Variants in ZGRF1 observed in about 807,000 individuals in gnomAD.
The protein encoded by ZGRF1 is zinc finger GRF-type containing 1.
A neutral mutation model predicts 203.5 loss-of-function variants in ZGRF1; 196 were observed. That is an observed-to-expected ratio of 0.96 (90% CI 0.86 to 1.08). The LOEUF (loss-of-function observed/expected upper bound fraction) is 1.08. Among genes scored for constraint, ZGRF1 ranks in the 50% least tolerant of loss-of-function variants. ZGRF1 has a pLI of 0.00. For synonymous variants in ZGRF1, 809 were observed against 841.3 expected, an observed-to-expected ratio of 0.96 and a Z score of 0.66; for missense variants, 2,326 against 2,416.3, an observed-to-expected ratio of 0.96 and a Z score of 0.78.
In ZGRF1 at chr4:112,593,740, T is replaced by C. The variant is rs142552087; in HGVS notation, c.2977-3866A>G. On this transcript the variant is annotated intron_variant, in intron 10 of 27. Coordinates refer to ENST00000505019, the MANE Select transcript of ZGRF1 (RefSeq NM_018392.5). ...TTCAGTCCCTCACTGTTGCCAATGCTGGAGAAGCCCTCCTTTATCACCCAT... is the reference window on the plus strand; with the variant it reads ...TTCAGTCCCTCACTGTTGCCAATGCCGGAGAAGCCCTCCTTTATCACCCAT... Among the ~76,000 whole-genome samples the C allele has an allele frequency of 5.3e-3, 806 of 152,326 alleles. 13 individuals carry two copies. The highest frequency in any genetic ancestry group is 0.017 in the African/African-American group (717 of 41,572).
In ZGRF1 at chr4:112,558,192, A is replaced by C; in HGVS notation, c.5078T>G (p.Ile1693Ser). ...AACAGCCACATTAGTAGAAGAAGAA[A>C]TCAGAAGTTTCCACGGCCTTGCATT... is the stretch of plus-strand genomic sequence containing the variant. ...IGNARPWKLL[I>S]SSSTNVAVDR... The change falls in exon 20 of 28, where the codon ATT (isoleucine) becomes AGT (serine). Residue 1693 changes from isoleucine to serine, a missense_variant. Physicochemically the swap from Ile to Ser is moderately radical, Grantham distance 142. Coordinates refer to ENST00000505019, the MANE Select transcript of ZGRF1 (RefSeq NM_018392.5). 6.2e-7 allele frequency: 1 copy of C among 1,609,758 alleles called. No individual in the cohort carries two copies. The highest frequency in any genetic ancestry group is 1.7e-5 in the Admixed American group (1 of 59,072).
intron 20 of ZGRF1, 48 bp from the exon 21 acceptor site, chr4:112,554,830 T>C (rs945370475): frequency 9.6e-7 from 1 of 1,042,640 alleles, no homozygotes. Context: ...GGAAACAGAA[T>C]ATAAAGTTTC....
At chr4:112,565,804 C>T (rs1254239452) in intron 16 of ZGRF1, among the ~76,000 whole-genome samples, 4 of 152,322 alleles carry the variant, frequency 2.6e-5, no homozygotes, top group Non-Finnish European at 4.4e-5. Flanking sequence ...GAGATACCAT[C>T]TCACACCAGT....
chr4:112,587,871 A>ACTTAATAATGAAAGCCTTTGAAGGTTCTC lies in ZGRF1; in HGVS notation c.3157_3185dup (p.Ser1062ArgfsTer10). Reference sequence around the variant, plus strand: ...AAGTAATAAGTGGAACCTGGGTTCTACTTAATAATGAAAGCCTTTGAAGGT... The same window carrying ACTTAATAATGAAAGCCTTTGAAGGTTCTC: ...AAGTAATAAGTGGAACCTGGGTTCTACTTAATAATGAAAGCCTTTGAAGGTTCTCCTTAATAATGAAAGCCTTTGAAGGT... On this transcript the variant is annotated stop_gained and frameshift_variant, in exon 12 of 28. Transcript: ENST00000505019. LOFTEE classifies it high-confidence loss of function. 1 of 1,550,020 alleles carries ACTTAATAATGAAAGCCTTTGAAGGTTCTC rather than the reference A, an allele frequency of 6.5e-7. No homozygotes were observed. The highest frequency in any genetic ancestry group is 8.7e-7 in the Non-Finnish European group (1 of 1,146,574).
At chr4:112,545,140 C>T (rs920458071) in intron 24 of ZGRF1, among the ~76,000 whole-genome samples, 2 of 151,692 alleles carry the variant, frequency 1.3e-5, no homozygotes, top group African/African-American at 4.8e-5. Context: ...AATAGGTAAA[C>T]TGAACTTCAT....
At chr4:112,601,970 C>T (rs770653688) in intron 10 of ZGRF1, among the ~76,000 whole-genome samples, 10 of 152,136 alleles carry the variant, frequency 6.6e-5, no homozygotes, top group South Asian at 4.2e-4. Flanking sequence ...TTTGGGAGGA[C>T]GAGGCCGGCA....
intron 8 of ZGRF1, among the ~76,000 whole-genome samples, chr4:112,606,559 G>T (rs1409250714): frequency 1.3e-5 from 2 of 151,826 alleles, no homozygotes; most frequent in African/African-American, 4.8e-5. Flanking sequence ...TACTCAGGAG[G>T]CTGAGGCAGA....
In ZGRF1 at chr4:112,587,579, G is replaced by A. The variant is rs749975982; in HGVS notation, c.3478C>T (p.Pro1160Ser). The A allele has an allele frequency of 1.2e-6, 2 of 1,613,838 alleles. No individual in the cohort carries two copies. Among genetic ancestry groups the A allele is most frequent in the Non-Finnish European group, 1.7e-6 (2 of 1,179,852 alleles). Reference sequence around the variant, plus strand: ...GTTATTCTCTTATCAACTCTGTTTGGAGTAGCCACGTTGCATTGGGATGTG... The same window carrying A: ...GTTATTCTCTTATCAACTCTGTTTGAAGTAGCCACGTTGCATTGGGATGTG... Reference protein sequence around the residue: ...QNTSQCNVATPNRVDKRITDG... With the variant: ...QNTSQCNVATSNRVDKRITDG... The change falls in exon 12 of 28, where the codon CCA (proline) becomes TCA (serine). Residue 1160 changes from proline (P) to serine (S), a missense_variant. Pro to Ser is a moderately conservative substitution (Grantham distance 74). Coordinates refer to ENST00000505019, the MANE Select transcript of ZGRF1 (RefSeq NM_018392.5).
At chr4:112,585,807 A>G in intron 13 of ZGRF1, 82 bp from the exon 14 acceptor site, 1 of 968,054 alleles carries the variant, frequency 1.0e-6, no homozygotes, top group Non-Finnish European at 1.4e-6. Flanking sequence ...TTGTAGCTAA[A>G]TTTGAATAGC....
intron 10 of ZGRF1, among the ~76,000 whole-genome samples, chr4:112,592,555 C>T (rs1430993769): frequency 1.3e-5 from 2 of 152,192 alleles, no homozygotes; most frequent in East Asian, 3.9e-4. Flanking sequence ...ATAACTCTCT[C>T]TATCCCAATT....
chr4:112,601,668 G>T (rs951129706), intron 10 of ZGRF1, among the ~76,000 whole-genome samples: 3 of 151,632 alleles, frequency 2.0e-5, no homozygotes, highest in Non-Finnish European at 4.4e-5. Context: ...AGTCCAAGAA[G>T]TTGAGGCTGC....
chr4:112,575,527 T>A (rs1000656102), intron 16 of ZGRF1, among the ~76,000 whole-genome samples: 8 of 152,174 alleles, frequency 5.3e-5, no homozygotes, highest in African/African-American at 1.9e-4. Context: ...TCTTTCCTAG[T>A]CAAAGAAAGG....
intron 19 of ZGRF1, 108 bp downstream of exon 19, chr4:112,560,625 G>C (rs909870459): frequency 3.1e-6 from 3 of 953,128 alleles, no homozygotes; most frequent in Non-Finnish European, 4.7e-6. Flanking sequence ...AGTCTACTTA[G>C]AGTTATTCTT....
chr4:112,571,825 AG>A (rs1744269236), intron 16 of ZGRF1, among the ~76,000 whole-genome samples: 1 of 152,246 alleles, frequency 6.6e-6, no homozygotes, highest in South Asian at 2.1e-4. Flanking sequence ...AAGAACAGCC[AG>A]GTCACATCTA....
chr4:112,624,061 G>A (rs1578482399), intron 3 of ZGRF1, 185 bp from the exon 4 acceptor site: 1 of 425,378 alleles, frequency 2.4e-6, no homozygotes, highest in South Asian at 4.5e-5. Context: ...GTTTAAGAGA[G>A]TAAAGGCATA....
chr4:112,622,327 T>C (rs1403761787), intron 4 of ZGRF1, among the ~76,000 whole-genome samples: 3 of 151,702 alleles, frequency 2.0e-5, no homozygotes, highest in Non-Finnish European at 2.9e-5. Flanking sequence ...AAGACCAGCC[T>C]GGCCAACATG....
At chr4:112,604,103 A>C (rs945663276) in intron 9 of ZGRF1, among the ~76,000 whole-genome samples, 1 of 152,128 alleles carries the variant, frequency 6.6e-6, no homozygotes, top group African/African-American at 2.4e-5. Context: ...GCACGCCTGT[A>C]ATCTCAGCTA....
intron 16 of ZGRF1, among the ~76,000 whole-genome samples, chr4:112,564,534 A>G (rs1560769463): frequency 6.6e-6 from 1 of 152,210 alleles, no homozygotes; most frequent in Non-Finnish European, 1.5e-5. Context: ...GACTGAATAT[A>G]TCTAGTAATT....
intron 22 of ZGRF1, among the ~76,000 whole-genome samples, chr4:112,551,661 T>C (rs1295142237): frequency 6.6e-6 from 1 of 152,176 alleles, no homozygotes; most frequent in East Asian, 1.9e-4. Flanking sequence ...AATATTGAGT[T>C]CTTTAAAAAT....
Sources: gnomAD v4.1 joint callset for allele counts (sites outside exome capture counted in the v4.1 genomes callset) on GRCh38, gnomAD v4.1.1 for gene constraint, MANE v1.5 for transcripts, NCBI Gene and HGNC (gene_info 2026-07-23, HGNC 2026-07-21) for gene names.